Variants in OPCML observed in about 807,000 individuals in gnomAD.
The protein encoded by OPCML is opioid-binding protein/cell adhesion molecule.
Under a neutral mutation model 37.8 loss-of-function variants are expected in OPCML, and 13 were observed. That is an observed-to-expected ratio of 0.34 (90% confidence interval 0.22 to 0.55). OPCML has a LOEUF of 0.55. Among genes scored for constraint, OPCML ranks in the 20% least tolerant of loss-of-function variants. The probability of loss-of-function intolerance (pLI) is 0.91; values close to 1 mark genes in which losing one functional copy is unlikely to be tolerated. For synonymous variants in OPCML, 176 were observed against 168.8 expected (o/e 1.04, Z -0.33); for missense variants, 341 against 435.6 (o/e 0.78, Z 1.93).
intron 1 of OPCML, among the ~76,000 whole-genome samples, chr11:133,466,976 T>C (rs183019147): frequency 6.6e-6 from 1 of 152,296 alleles, no homozygotes; most frequent in Admixed American, 6.5e-5. Context: ...AGTTTGGTGT[T>C]CCAAAAAAGT....
rs114773311 is a variant in OPCML, at chr11:133,499,435, T to C, written c.61+32829A>G. Reference sequence around the variant, plus strand: ...AAACAAATACATGCATCAGTGTATATGCTAATGATCCCTGGCCTCCCCTCC... The same window carrying C: ...AAACAAATACATGCATCAGTGTATACGCTAATGATCCCTGGCCTCCCCTCC... On this transcript the variant is annotated intron_variant, in intron 1 of 7. Transcript: ENST00000524381. 2.1e-3 allele frequency among the ~76,000 whole-genome samples: 318 copies of C among 152,298 alleles called. 2 individuals are homozygous for C. The highest frequency in any genetic ancestry group is 7.2e-3 in the African/African-American group (300 of 41,564).
At chr11:132,817,301 G>A (rs1206486435) in intron 2 of OPCML, 1 of 152,146 alleles carries the variant, frequency 6.6e-6, no homozygotes, top group East Asian at 1.9e-4. Flanking sequence ...TCTGAAAAAG[G>A]AGTATTTCTC....
At chr11:132,570,178 A>G (rs2096434024) in intron 3 of OPCML, among the ~76,000 whole-genome samples, 1 of 152,246 alleles carries the variant, frequency 6.6e-6, no homozygotes, top group Admixed American at 6.5e-5. Flanking sequence ...TTTACTAAAT[A>G]AAGTTTCACT....
intron 4 of OPCML, among the ~76,000 whole-genome samples, chr11:132,506,169 G>C (rs1258311409): frequency 6.6e-6 from 1 of 152,090 alleles, no homozygotes; most frequent in East Asian, 1.9e-4. Context: ...TTTATGCTCA[G>C]GAAATACTCC....
intron 1 of OPCML, among the ~76,000 whole-genome samples, chr11:133,147,056 A>G (rs1385452721): frequency 6.6e-6 from 1 of 152,194 alleles, no homozygotes. Context: ...TCAAATATTA[A>G]AAGAACAGAA....
At chr11:133,367,591 C>G (rs921056431) in intron 1 of OPCML, among the ~76,000 whole-genome samples, 1 of 152,196 alleles carries the variant, frequency 6.6e-6, no homozygotes, top group South Asian at 2.1e-4. Flanking sequence ...CAGGGCCTTT[C>G]GAGTAAAGCA....
At chr11:132,757,555 T>C (rs36141335) in intron 2 of OPCML, among the ~76,000 whole-genome samples, 1 of 152,234 alleles carries the variant, frequency 6.6e-6, no homozygotes, top group African/African-American at 2.4e-5. Flanking sequence ...TGACCAGTGA[T>C]GATGAGCTTT....
intron 1 of OPCML, among the ~76,000 whole-genome samples, chr11:133,063,009 T>C (rs1281665509): frequency 6.6e-6 from 1 of 152,246 alleles, no homozygotes; most frequent in Non-Finnish European, 1.5e-5. Context: ...GTGCCTCCCA[T>C]GGCCGGGGGC....
At chr11:133,527,021 G>A (rs1460575423) in intron 1 of OPCML, among the ~76,000 whole-genome samples, 1 of 152,244 alleles carries the variant, frequency 6.6e-6, no homozygotes, top group African/African-American at 2.4e-5. Flanking sequence ...AGGAATCACA[G>A]TTTGCTTCCA....
chr11:133,203,764 A>G (rs1938904408), intron 1 of OPCML, among the ~76,000 whole-genome samples: 1 of 152,206 alleles, frequency 6.6e-6, no homozygotes, highest in African/African-American at 2.4e-5. Context: ...TAATTTAAAC[A>G]GATGCAAAGG....
rs557611075 is a variant in OPCML at position 133,228,764 on chromosome 11, T to C, written c.62-285754A>G. Among the ~76,000 whole-genome samples the C allele has an allele frequency of 1.0e-3, 156 of 152,362 alleles. 1 individual carries two copies. The highest frequency in any genetic ancestry group is 4.0e-4 in the Non-Finnish European group (27 of 68,032). On this transcript the variant is annotated intron_variant, in intron 1 of 7. Transcript: ENST00000524381. ...CCAGGAGGCTTCGCATGAAAAATGA[T>C]TGCACCGCACACGCGGAGGCTGTTT...
intron 1 of OPCML, among the ~76,000 whole-genome samples, chr11:133,061,865 G>A (rs1401594774): frequency 6.6e-6 from 1 of 150,928 alleles, no homozygotes; most frequent in African/African-American, 2.4e-5. Context: ...GCACACTTAA[G>A]TGCATGCATA....
chr11:133,038,278 G>A (rs1947819975), intron 1 of OPCML, among the ~76,000 whole-genome samples: 1 of 152,184 alleles, frequency 6.6e-6, no homozygotes, highest in Non-Finnish European at 1.5e-5. Flanking sequence ...GTGTCTCTCT[G>A]GGGCTGCTTA....
At chr11:132,470,869 T>C (rs909175078) in intron 4 of OPCML, among the ~76,000 whole-genome samples, 2 of 151,998 alleles carry the variant, frequency 1.3e-5, no homozygotes, top group Non-Finnish European at 2.9e-5. Flanking sequence ...AGAAGACCAG[T>C]TAGGATTATT....
chr11:133,521,234 A>G (rs2120700608), intron 1 of OPCML, among the ~76,000 whole-genome samples: 1 of 152,234 alleles, frequency 6.6e-6, no homozygotes, highest in Admixed American at 6.5e-5. Context: ...TTACAGAGAG[A>G]ATTACAGGTA....
chr11:132,776,912 C>T (rs1946828246), intron 2 of OPCML, among the ~76,000 whole-genome samples: 1 of 152,070 alleles, frequency 6.6e-6, no homozygotes. Context: ...GAATTTCCCT[C>T]TATCAAAGGC....
chr11:132,987,225 G>A (rs77281827), intron 1 of OPCML, among the ~76,000 whole-genome samples: 9,017 of 152,128 alleles, frequency 0.059, 567 homozygotes, highest in East Asian at 0.23. Context: ...ATGAAAATTT[G>A]AGCATTCCTT....
In OPCML at chr11:133,141,002, AC is replaced by A. The variant is rs1565468998; in HGVS notation, c.62-197993del. Among the ~76,000 whole-genome samples the A allele has an allele frequency of 1.2e-3, 10 of 8,646 alleles. 4 individuals carry two copies. The highest frequency in any genetic ancestry group is 8.9e-3 in the Admixed American group (4 of 448). 5.7% of individuals were successfully genotyped at this position (8,646 alleles called of 152,430 possible). ...GAAGAAGAAGAAGAAGAAGAAGACG[AC>A]GACGACGACGACGACGACGACGACG... On this transcript the variant is annotated intron_variant, in intron 1 of 7. Coordinates refer to ENST00000524381, the MANE Select transcript of OPCML (RefSeq NM_001012393.5).
At chr11:132,613,011 G>A (rs570210170) in intron 3 of OPCML, among the ~76,000 whole-genome samples, 2 of 152,270 alleles carry the variant, frequency 1.3e-5, no homozygotes, top group South Asian at 2.1e-4. Context: ...ATTCCTGGAC[G>A]ATGTCACATT....
Sources: gnomAD v4.1 joint callset for allele counts (sites outside exome capture counted in the v4.1 genomes callset) on GRCh38, gnomAD v4.1.1 for gene constraint, MANE v1.5 for transcripts, NCBI Gene and HGNC (gene_info 2026-07-23, HGNC 2026-07-21) for gene names.